Variants in ARHGAP35 observed in about 807,000 individuals in gnomAD.
ARHGAP35 encodes rho GTPase-activating protein 35.
Under a neutral mutation model 111.1 loss-of-function variants are expected in ARHGAP35, and 15 were observed. That is an observed-to-expected ratio of 0.13 (90% confidence interval 0.09 to 0.21). ARHGAP35 has a LOEUF of 0.21. Ranked by LOEUF, ARHGAP35 falls within the 10% of genes least tolerant of loss-of-function variation. ARHGAP35 has a pLI of 1.00. For missense variants in ARHGAP35, 1,262 were observed against 1,873.0 expected (o/e 0.67, Z 6.02); for synonymous variants, 643 against 710.3 (o/e 0.91, Z 1.51).
At chr19:46,894,003 A>AT (rs924704232) in intron 1 of ARHGAP35, among the ~76,000 whole-genome samples, 29 of 143,132 alleles carry the variant, frequency 2.0e-4, no homozygotes, top group East Asian at 4.1e-4. Flanking sequence ...CTGATTTGGG[A>AT]TTTTTTTTTA....
intron 3 of ARHGAP35, among the ~76,000 whole-genome samples, chr19:46,963,098 T>C (rs2056493923): frequency 1.3e-5 from 2 of 152,314 alleles, no homozygotes; most frequent in African/African-American, 4.8e-5. Context: ...GGGAGGGTGG[T>C]GAGTGGTGAA....
rs2056748789 is a variant in ARHGAP35, at chr19:47,001,593, C to T, written c.*905C>T. ...CCACTCACCCACTTAGGTCTAGTCG[C>T]TAGATCCCCCGTTTTCCCAAGAAGA... On this transcript the variant is annotated 3_prime_UTR_variant, in exon 7 of 7. Coordinates refer to ENST00000672722, the MANE Select transcript of ARHGAP35 (RefSeq NM_004491.5). This position sits in a 1 kb window ranked among gnomAD's most constrained non-coding sequence, Gnocchi z 5.4. 3 of 380,352 alleles carry T rather than the reference C, an allele frequency of 7.9e-6. No homozygotes were observed. The highest frequency in any genetic ancestry group is 7.3e-5 in the East Asian group (1 of 13,728). 23.6% of individuals were successfully genotyped at this position (380,352 alleles called of 1,614,324 possible).
chr19:46,966,770 A>G (rs1231713062), intron 3 of ARHGAP35, among the ~76,000 whole-genome samples: 1 of 152,204 alleles, frequency 6.6e-6, no homozygotes, highest in Non-Finnish European at 1.5e-5. Flanking sequence ...AGCCAAGAAG[A>G]TCCTGAGGAA....
chr19:46,915,721 G>C (rs1243838537), intron 1 of ARHGAP35, among the ~76,000 whole-genome samples: 1 of 152,122 alleles, frequency 6.6e-6, no homozygotes, highest in Non-Finnish European at 1.5e-5. Context: ...ATGTTCATTT[G>C]GCTGCAGGTT....
intron 1 of ARHGAP35, among the ~76,000 whole-genome samples, chr19:46,862,594 A>C (rs1197490000): frequency 6.6e-6 from 1 of 151,546 alleles, no homozygotes; most frequent in Non-Finnish European, 1.5e-5. Flanking sequence ...CGTTTTTTTC[A>C]ATTCTGCTCC....
At position 46,999,381 on chromosome 19, in the gene ARHGAP35, T is replaced by C; in HGVS notation, c.4114T>C (p.Phe1372Leu). The C allele has an allele frequency of 6.3e-7, 1 of 1,589,934 alleles. No individual in the cohort carries two copies. Among genetic ancestry groups the C allele is most frequent in the Non-Finnish European group, 8.6e-7 (1 of 1,168,030 alleles). Residue 1372 changes from phenylalanine to leucine, a missense_variant, in exon 6 of 7, where the codon TTC (phenylalanine) becomes CTC (leucine). Physicochemically the swap from Phe to Leu is conservative, Grantham distance 22. This residue lies in a region of ARHGAP35 where 50 missense variants were observed against 60.5 expected (regional missense o/e 0.83). Coordinates refer to ENST00000672722, the MANE Select transcript of ARHGAP35 (RefSeq NM_004491.5). The surrounding 1 kb of genome is among the most constrained non-coding windows in gnomAD (Gnocchi z 5.4). ...KKFPKENHEV[F>L]KYVISHLNKV... ...ATTTCCAAAGGAAAACCACGAAGTCTTCAAGTATGTCATCTCTCACCTAAA... is the reference window on the plus strand; with the variant it reads ...ATTTCCAAAGGAAAACCACGAAGTCCTCAAGTATGTCATCTCTCACCTAAA...
At chr19:46,925,481 C>T (rs906449292) in intron 2 of ARHGAP35, among the ~76,000 whole-genome samples, 3 of 152,162 alleles carry the variant, frequency 2.0e-5, no homozygotes, top group Non-Finnish European at 4.4e-5. Flanking sequence ...GGCAGCTAGG[C>T]ACTAGGATTT....
chr19:46,965,019 T>C (rs2056504805), intron 3 of ARHGAP35, among the ~76,000 whole-genome samples: 1 of 152,316 alleles, frequency 6.6e-6, no homozygotes, highest in South Asian at 2.1e-4. Context: ...TTCTTAAAAT[T>C]GAGTCTTTTT....
chr19:46,875,656 AT>A (rs527914448), intron 1 of ARHGAP35, among the ~76,000 whole-genome samples: 2 of 151,932 alleles, frequency 1.3e-5, no homozygotes, highest in Non-Finnish European at 2.9e-5. Context: ...TTTTATTTTT[AT>A]TTTTTGAGAA....
rs752700390 is a variant in ARHGAP35, at chr19:47,001,287, C to A, written c.*599C>A. On this transcript the variant is annotated 3_prime_UTR_variant, in exon 7 of 7. Transcript: ENST00000672722. The surrounding 1 kb of genome is among the most constrained non-coding windows in gnomAD (Gnocchi z 5.4). ...AACGGAGGATAGCTTTGTGCCTGGA[C>A]CCAGAGAGTGTGGGACTCCCCGCTT... 1 of 1,290,144 alleles carries A rather than the reference C, an allele frequency of 7.8e-7. No individual in the cohort carries two copies. The highest frequency in any genetic ancestry group is 1.0e-6 in the Non-Finnish European group (1 of 989,278). The allele number at this position is 1,290,144 out of a possible 1,614,324, so 79.9% of individuals were successfully genotyped here.
In ARHGAP35 at chr19:46,921,949, G is replaced by A; in HGVS notation, c.3274G>A (p.Asp1092Asn). The A allele has an allele frequency of 6.2e-7, 1 of 1,613,982 alleles. No homozygotes were observed. Among genetic ancestry groups the A allele is most frequent in the Non-Finnish European group, 8.5e-7 (1 of 1,179,904 alleles). The change falls in exon 2 of 7, where the codon GAT becomes AAT. Residue 1092 changes from aspartate (D) to asparagine (N), a missense_variant. By Grantham distance (23) the Asp-to-Asn change is conservative. This residue lies in a region of ARHGAP35 where 579 missense variants were observed against 716.9 expected (regional missense o/e 0.81). Transcript: ENST00000672722. This position sits in a 1 kb window ranked among gnomAD's most constrained non-coding sequence, Gnocchi z 4.3. ...TCCTTCTGACTATGCTGAACCCATG[G>A]ATGCTGTGGTGAAGCCAAGGAATGA... is the stretch of plus-strand genomic sequence containing the variant. Reference protein sequence around the residue: ...FDPSDYAEPMDAVVKPRNEEE... With the variant: ...FDPSDYAEPMNAVVKPRNEEE...
rs1185625599 is a variant in ARHGAP35, at chr19:46,992,757, A to G, written c.4036+3082A>G. Among the ~76,000 whole-genome samples the G allele has an allele frequency of 6.6e-6, 1 of 152,226 alleles. No individual in the cohort carries two copies. Among genetic ancestry groups the G allele is most frequent in the East Asian group, 1.9e-4 (1 of 5,202 alleles). ...ATTTAAGGAGAGACCAGTCATTTTC[A>G]TCACATTGTTGAAGGGGATGTGTGA... On this transcript the variant is annotated intron_variant, in intron 5 of 6. Coordinates refer to ENST00000672722, the MANE Select transcript of ARHGAP35 (RefSeq NM_004491.5). This position sits in a 1 kb window ranked among gnomAD's most constrained non-coding sequence, Gnocchi z 4.4.
chr19:46,875,292 A>G (rs1439566115), intron 1 of ARHGAP35, among the ~76,000 whole-genome samples: 1 of 152,164 alleles, frequency 6.6e-6, no homozygotes, highest in Non-Finnish European at 1.5e-5. Flanking sequence ...GACATCAGGA[A>G]GAAATTGCAA....
chr19:46,883,093 G>T (rs2055971057), intron 1 of ARHGAP35, among the ~76,000 whole-genome samples: 1 of 151,728 alleles, frequency 6.6e-6, no homozygotes, highest in African/African-American at 2.4e-5. Flanking sequence ...TTATTAATTG[G>T]CCTAATTTCT....
chr19:46,891,639 A>G (rs954435374), intron 1 of ARHGAP35, among the ~76,000 whole-genome samples: 2 of 151,880 alleles, frequency 1.3e-5, no homozygotes, highest in African/African-American at 4.8e-5. Flanking sequence ...GTTGGCCAGG[A>G]TGGTCTCAAT....
chr19:46,869,611 A>C (rs987669127), intron 1 of ARHGAP35, among the ~76,000 whole-genome samples: 1 of 152,110 alleles, frequency 6.6e-6, no homozygotes, highest in African/African-American at 2.4e-5. Flanking sequence ...TGCAGCCTGC[A>C]CTACTTAGGA....
In ARHGAP35 at chr19:46,921,828, T is replaced by G; in HGVS notation, c.3153T>G (p.Ile1051Met). Residue 1051 changes from isoleucine to methionine, a missense_variant, in exon 2 of 7, where the codon ATT becomes ATG. Ile to Met is a conservative substitution (Grantham distance 10). Transcript: ENST00000672722. The surrounding 1 kb of genome is among the most constrained non-coding windows in gnomAD (Gnocchi z 4.3). ...VKPKPPVHFE[I>M]TKGDLSYLDQ... ...CAAAGCCTCCTGTCCATTTTGAAAT[T>G]ACAAAGGGGGATCTATCTTATTTAG... The G allele has an allele frequency of 2.5e-6, 4 of 1,613,908 alleles. No individual in the cohort carries two copies. Among genetic ancestry groups the G allele is most frequent in the Non-Finnish European group, 3.4e-6 (4 of 1,179,870 alleles).
rs529984533 is a variant in ARHGAP35, at chr19:46,944,035, C to T, written c.3826+6627C>T. Among the ~76,000 whole-genome samples the T allele has an allele frequency of 1.4e-4, 22 of 152,250 alleles. 1 individual carries two copies. The South Asian group carries it at 3.5e-3, about 24-fold the overall frequency. ...TAATAGATGGCCAGGCATGATGGCTCATGCCTGTAATCCCAGCACTTTGAG... is the reference window on the plus strand; with the variant it reads ...TAATAGATGGCCAGGCATGATGGCTTATGCCTGTAATCCCAGCACTTTGAG... On this transcript the variant is annotated intron_variant, in intron 3 of 6. Coordinates refer to ENST00000672722, the MANE Select transcript of ARHGAP35 (RefSeq NM_004491.5).
chr19:46,981,291 AAGTTGTT>A (rs2056619105), intron 3 of ARHGAP35, among the ~76,000 whole-genome samples: 2 of 152,230 alleles, frequency 1.3e-5, no homozygotes, highest in African/African-American at 4.8e-5. Context: ...AAGTCGACAA[AAGTTGTT>A]AGTTAAGTCC....
Sources: gnomAD v4.1 joint callset for allele counts (sites outside exome capture counted in the v4.1 genomes callset) on GRCh38, gnomAD v4.1.1 for gene constraint, gnomAD v4.1.1 regional missense constraint, Gnocchi (gnomAD v3.1) non-coding constraint, MANE v1.5 for transcripts, NCBI Gene and HGNC (gene_info 2026-07-23, HGNC 2026-07-21) for gene names.